ADK: variants seen among roughly 807,000 people sequenced by gnomAD.
The protein encoded by ADK is adenosine kinase.
ADK carries 24 observed loss-of-function variants against 44.7 expected under a neutral mutation model. The ratio of observed to expected loss-of-function variants is 0.54; its 90% CI spans 0.39 to 0.76. ADK has a LOEUF of 0.76. Among genes scored for constraint, ADK ranks in the 30% least tolerant of loss-of-function variants. The pLI is 0.00. For synonymous variants in ADK, 128 were observed against 142.6 expected (o/e 0.90, Z 0.73); for missense variants, 321 against 425.1 (o/e 0.76, Z 2.15).
chr10:74,672,082 G>A (rs1855209960), intron 10 of ADK, among the ~76,000 whole-genome samples: 1 of 152,136 alleles, frequency 6.6e-6, no homozygotes, highest in African/African-American at 2.4e-5. Flanking sequence ...AAGCAATTGG[G>A]ATTTTTTTGT....
intron 4 of ADK, among the ~76,000 whole-genome samples, chr10:74,370,201 C>T (rs778760082): frequency 6.6e-6 from 1 of 152,152 alleles, no homozygotes; most frequent in Non-Finnish European, 1.5e-5. Flanking sequence ...CAGCTATATA[C>T]ATAAGCCAAA....
chr10:74,167,601 T>TG (rs1842064913), intron 1 of ADK, among the ~76,000 whole-genome samples: 1 of 152,196 alleles, frequency 6.6e-6, no homozygotes, highest in African/African-American at 2.4e-5. Flanking sequence ...TTTCTTCAGC[T>TG]GGGTAGTTGG....
chr10:74,308,804 C>T (rs1426222014), intron 3 of ADK, among the ~76,000 whole-genome samples: 3 of 152,048 alleles, frequency 2.0e-5, no homozygotes, highest in African/African-American at 7.2e-5. Context: ...AACGTGAGGT[C>T]TTCTTTCTTC....
intron 1 of ADK, 91 bp downstream of exon 1, chr10:74,151,434 G>A (rs1432403835): frequency 1.5e-6 from 2 of 1,376,350 alleles, no homozygotes; most frequent in African/African-American, 1.4e-5. Context: ...GCTGGGTGGT[G>A]TCTCTCACTG....
chr10:74,270,304 G>A (rs1297108094), intron 3 of ADK, among the ~76,000 whole-genome samples: 1 of 152,144 alleles, frequency 6.6e-6, no homozygotes, highest in African/African-American at 2.4e-5. Context: ...AATAAACCCA[G>A]TATTTGCTAG....
At chr10:74,152,120 T>C (rs1425304396) in intron 1 of ADK, among the ~76,000 whole-genome samples, 1 of 152,166 alleles carries the variant, frequency 6.6e-6, no homozygotes, top group Non-Finnish European at 1.5e-5. Context: ...CATCTTAAAA[T>C]AGACATATCA....
intron 9 of ADK, among the ~76,000 whole-genome samples, chr10:74,604,639 C>T (rs1194429387): frequency 6.6e-6 from 1 of 152,104 alleles, no homozygotes; most frequent in East Asian, 1.9e-4. Context: ...CAGTACCATG[C>T]TGTTTTGGTT....
intron 6 of ADK, among the ~76,000 whole-genome samples, chr10:74,503,720 T>C (rs1847954069): frequency 6.6e-6 from 1 of 152,188 alleles, no homozygotes; most frequent in Non-Finnish European, 1.5e-5. Flanking sequence ...AGTAAAGAGC[T>C]AATTTTTGTG....
chr10:74,415,302 C>T (rs1422567709), intron 6 of ADK, among the ~76,000 whole-genome samples: 2 of 152,146 alleles, frequency 1.3e-5, no homozygotes, highest in Non-Finnish European at 2.9e-5. Context: ...GACCAATCAG[C>T]AGTTGCTTGA....
intron 1 of ADK, among the ~76,000 whole-genome samples, chr10:74,175,934 A>T (rs1842321854): frequency 6.6e-6 from 1 of 152,196 alleles, no homozygotes; most frequent in Non-Finnish European, 1.5e-5. Flanking sequence ...GTAAGATTAG[A>T]GCCAGGAGTT....
At chr10:74,659,869 G>A (rs978484831) in intron 9 of ADK, among the ~76,000 whole-genome samples, 1 of 152,018 alleles carries the variant, frequency 6.6e-6, no homozygotes, top group Non-Finnish European at 1.5e-5. Context: ...TTAAGGGTGG[G>A]TCTGCCTTCC....
At chr10:74,390,402 C>G (rs539571849) in intron 4 of ADK, among the ~76,000 whole-genome samples, 1 of 151,852 alleles carries the variant, frequency 6.6e-6, no homozygotes, top group East Asian at 1.9e-4. Context: ...TATGTTTGTC[C>G]CACCTTTTAA....
intron 6 of ADK, among the ~76,000 whole-genome samples, chr10:74,450,081 G>T (rs1045402093): frequency 1.3e-5 from 2 of 152,136 alleles, no homozygotes; most frequent in Non-Finnish European, 2.9e-5. Flanking sequence ...TGAGGTGGGA[G>T]GTCAGTTGAG....
At chr10:74,258,254 A>G (rs1845899904) in intron 3 of ADK, among the ~76,000 whole-genome samples, 1 of 152,194 alleles carries the variant, frequency 6.6e-6, no homozygotes, top group South Asian at 2.1e-4. Context: ...GTAAATGACC[A>G]CTAATAGTGT....
At chr10:74,482,290 G>T (rs1048181078) in intron 6 of ADK, among the ~76,000 whole-genome samples, 1 of 152,092 alleles carries the variant, frequency 6.6e-6, no homozygotes, top group Non-Finnish European at 1.5e-5. Flanking sequence ...AGTGAGACAA[G>T]GGGGAGACGC....
intron 6 of ADK, among the ~76,000 whole-genome samples, chr10:74,475,115 C>A (rs1846776658): frequency 6.6e-6 from 1 of 151,860 alleles, no homozygotes; most frequent in Non-Finnish European, 1.5e-5. Context: ...CAGAGCAAGA[C>A]TCCATCTCAA....
At chr10:74,260,726 G>A (rs527432840) in intron 3 of ADK, among the ~76,000 whole-genome samples, 3 of 152,094 alleles carry the variant, frequency 2.0e-5, no homozygotes, top group East Asian at 1.9e-4. Flanking sequence ...TTTATGTTTT[G>A]TTAACTGTGT....
intron 7 of ADK, among the ~76,000 whole-genome samples, chr10:74,572,978 C>T (rs993162512): frequency 4.6e-5 from 7 of 152,168 alleles, no homozygotes; most frequent in Non-Finnish European, 8.8e-5. Context: ...GTAGTTTGAT[C>T]ATCTGAAGCC....
chr10:74,394,561 AG>A (rs1201511158), intron 5 of ADK, among the ~76,000 whole-genome samples: 3 of 152,208 alleles, frequency 2.0e-5, no homozygotes, highest in Non-Finnish European at 2.9e-5. Context: ...TTTTATAATT[AG>A]AATCAGAAAA....
Sources: gnomAD v4.1 joint callset for allele counts (sites outside exome capture counted in the v4.1 genomes callset) on GRCh38, gnomAD v4.1.1 for gene constraint, MANE v1.5 for transcripts, NCBI Gene and HGNC (gene_info 2026-07-23, HGNC 2026-07-21) for gene names.